The following LIPC variants were observed in gnomAD, a reference collection of about 807,000 sequenced individuals.
The protein encoded by LIPC is hepatic triacylglycerol lipase.
In LIPC, 44 loss-of-function variants were observed where a neutral mutation model predicts 50.7. The observed-to-expected ratio is 0.87, with a 90% CI of 0.68 to 1.11. The LOEUF (loss-of-function observed/expected upper bound fraction) is 1.11, where lower values mean the gene tolerates loss of function less well. LIPC is among the 50% of genes most tolerant of loss of function. The pLI, the probability that LIPC is intolerant of heterozygous loss-of-function variation, is 0.00. For missense variants in LIPC, 697 were observed against 648.2 expected (o/e 1.08, Z -0.82); for synonymous variants, 271 against 256.4 (o/e 1.06, Z -0.54).
intron 1 of LIPC, among the ~76,000 whole-genome samples, chr15:58,511,598 G>A (rs1388832583): frequency 6.6e-6 from 1 of 152,194 alleles, no homozygotes; most frequent in Non-Finnish European, 1.5e-5. Flanking sequence ...CTGCTGGTTT[G>A]CATGAGCAAA....
intron 1 of LIPC, among the ~76,000 whole-genome samples, chr15:58,516,237 C>CTTTTTTT (rs11351202): frequency 8.9e-4 from 40 of 45,130 alleles, no homozygotes; most frequent in East Asian, 2.7e-3. Flanking sequence ...CCTCTAGCTT[C>CTTTTTTT]TTTTTTTTTT....
Position 58,567,294 on chromosome 15 carries a change from CAT to C in LIPC, c.1389-1412_1389-1411del, listed in dbSNP as rs748652075. 4.2e-3 allele frequency among the ~76,000 whole-genome samples: 321 copies of C among 76,822 alleles called. 3 individuals are homozygous for C. Among genetic ancestry groups the C allele is most frequent in the African/African-American group, 0.025 (276 of 11,072 alleles). 50.4% of individuals were successfully genotyped at this position (76,822 alleles called of 152,430 possible). ...GTGTGTGTGTGTGTATATATATATA[CAT>C]ATATATATACATATATATGTATATG... On this transcript the variant is annotated intron_variant, in intron 8 of 8. Transcript: ENST00000299022.
chr15:58,492,623 C>G (rs945125662), intron 1 of LIPC, among the ~76,000 whole-genome samples: 33 of 152,222 alleles, frequency 2.2e-4, no homozygotes, highest in Non-Finnish European at 3.2e-4. Context: ...CCACCCAGCT[C>G]TGCAAATGTA....
chr15:58,506,065 C>T (rs1456760640), intron 1 of LIPC, among the ~76,000 whole-genome samples: 1 of 152,124 alleles, frequency 6.6e-6, no homozygotes, highest in Non-Finnish European at 1.5e-5. Flanking sequence ...CCGCCCCTCC[C>T]CACTCTGTCT....
chr15:58,497,377 T>C (rs1383921301), intron 1 of LIPC, among the ~76,000 whole-genome samples: 3 of 151,948 alleles, frequency 2.0e-5, no homozygotes, highest in African/African-American at 7.3e-5. Flanking sequence ...CAGGCTGTGT[T>C]TATTGGGCAA....
chr15:58,542,541 T>G lies in LIPC; in HGVS notation c.464T>G (p.Val155Gly). ...AALLRWLEES[V>G]QLSRSHVHLI... is the part of the protein sequence containing the mutation. ...CCCGCTGCTGTCTTCCAGGAATCTGTGCAACTCTCTCGAAGCCATGTTCAC... is the reference window on the plus strand; with the variant it reads ...CCCGCTGCTGTCTTCCAGGAATCTGGGCAACTCTCTCGAAGCCATGTTCAC... The change falls in exon 4 of 9, where the codon GTG becomes GGG. Residue 155 changes from valine to glycine, a missense_variant. Transcript: ENST00000299022. The G allele has an allele frequency of 6.2e-7, 1 of 1,609,274 alleles. No individual in the cohort carries two copies. The highest frequency in any genetic ancestry group is 1.1e-5 in the South Asian group (1 of 90,982).
intron 4 of LIPC, 89 bp from the exon 5 acceptor site, chr15:58,545,653 G>C (rs567104108): frequency 3.7e-6 from 4 of 1,084,860 alleles, no homozygotes; most frequent in Non-Finnish European, 5.5e-6. Context: ...CTAGTTCACT[G>C]ATGTATAATA....
intron 1 of LIPC, chr15:58,522,578 G>A (rs1455575907): frequency 7.8e-5 from 12 of 153,278 alleles, no homozygotes; most frequent in East Asian, 1.9e-4. Context: ...GAACAGGCCC[G>A]ACTCCACAGC....
intron 1 of LIPC, among the ~76,000 whole-genome samples, chr15:58,446,713 C>A (rs1381426983): frequency 6.6e-6 from 1 of 152,154 alleles, no homozygotes; most frequent in Non-Finnish European, 1.5e-5. Flanking sequence ...AGGATAAGCA[C>A]CCCAAGGGCA....
At chr15:58,475,844 C>T (rs568778006) in intron 1 of LIPC, among the ~76,000 whole-genome samples, 5 of 152,322 alleles carry the variant, frequency 3.3e-5, no homozygotes, top group Admixed American at 6.5e-5. Flanking sequence ...ATTCCATTAA[C>T]AATAAGCACC....
chr15:58,553,769 G>T (rs148012075), intron 6 of LIPC, among the ~76,000 whole-genome samples: 1 of 151,970 alleles, frequency 6.6e-6, no homozygotes, highest in Non-Finnish European at 1.5e-5. Context: ...TTCTTCACTC[G>T]CGCCTGCTCT....
At chr15:58,553,500 G>A (rs560398899) in intron 6 of LIPC, among the ~76,000 whole-genome samples, 379 of 152,332 alleles carry the variant, frequency 2.5e-3, no homozygotes, top group Non-Finnish European at 4.4e-3. Flanking sequence ...GGAGACTGCA[G>A]GAGGGTTGCT....
At chr15:58,436,986 A>C in intron 1 of LIPC, 1 of 406,598 alleles carries the variant, frequency 2.5e-6, no homozygotes, top group East Asian at 7.1e-5. Flanking sequence ...ACAAACTGGA[A>C]ACAATGTGAA....
chr15:58,538,293 A>G (rs772945045), intron 1 of LIPC, 40 bp from the exon 2 acceptor site: 3 of 1,592,070 alleles, frequency 1.9e-6, no homozygotes, highest in Non-Finnish European at 1.7e-6. Context: ...CAGATGAAGC[A>G]GATGCCAGGC....
At chr15:58,460,389 G>A (rs1336472098) in intron 1 of LIPC, among the ~76,000 whole-genome samples, 1 of 152,344 alleles carries the variant, frequency 6.6e-6, no homozygotes, top group South Asian at 2.1e-4. Flanking sequence ...GGTGAAGGCT[G>A]GATGGGAGGC....
intron 1 of LIPC, among the ~76,000 whole-genome samples, chr15:58,465,038 C>T (rs1159500888): frequency 4.6e-5 from 7 of 152,164 alleles, no homozygotes; most frequent in East Asian, 1.9e-4. Context: ...ATCTAAAGTC[C>T]GAATAAAAGA....
intron 1 of LIPC, among the ~76,000 whole-genome samples, chr15:58,447,718 T>A (rs568836819): frequency 6.6e-6 from 1 of 152,250 alleles, no homozygotes; most frequent in Non-Finnish European, 1.5e-5. Flanking sequence ...TAAAAGTAGA[T>A]TTGGGATGGG....
At chr15:58,557,971 T>G (rs1217888968) in intron 6 of LIPC, among the ~76,000 whole-genome samples, 1 of 152,158 alleles carries the variant, frequency 6.6e-6, no homozygotes, top group Non-Finnish European at 1.5e-5. Flanking sequence ...GTGTAAGACC[T>G]CTCCAGAGGC....
intron 1 of LIPC, among the ~76,000 whole-genome samples, chr15:58,506,280 G>A (rs1471744872): frequency 2.0e-5 from 3 of 152,060 alleles, no homozygotes; most frequent in African/African-American, 7.2e-5. Context: ...TCCTTCCATA[G>A]ATCTCTGAAG....
Sources: allele counts gnomAD v4.1 joint callset (sites outside exome capture counted in the v4.1 genomes callset), GRCh38; gene constraint gnomAD v4.1.1; transcripts MANE v1.5; gene names NCBI Gene and HGNC (gene_info 2026-07-23, HGNC 2026-07-21).